The following ADCY5 variants were observed in gnomAD, a reference collection of about 807,000 sequenced individuals.
ADCY5 encodes the protein adenylate cyclase 5.
ADCY5 carries 30 observed loss-of-function variants against 119.7 expected under a neutral mutation model. That is an observed-to-expected ratio of 0.25 (90% CI 0.19 to 0.34). The LOEUF is 0.34. Among genes scored for constraint, ADCY5 ranks in the 10% least tolerant of loss-of-function variants. The pLI, the probability that ADCY5 is intolerant of heterozygous loss-of-function variation, is 1.00. For missense variants in ADCY5, 1,324 were observed against 1,775.2 expected (o/e 0.75, Z 4.57); for synonymous variants, 753 against 762.2 (o/e 0.99, Z 0.20).
At chr3:123,376,191 T>C (rs968024089) in intron 1 of ADCY5, among the ~76,000 whole-genome samples, 1 of 151,614 alleles carries the variant, frequency 6.6e-6, no homozygotes, top group African/African-American at 2.4e-5. Context: ...GCCAAGAGTG[T>C]AGCTGAGATG....
chr3:123,410,047 G>A (rs1945002811), intron 1 of ADCY5, among the ~76,000 whole-genome samples: 1 of 152,166 alleles, frequency 6.6e-6, no homozygotes. Context: ...GTTCCCTGAG[G>A]CAGTGTGGCC....
chr3:123,308,692 G>C (rs1350745782), intron 12 of ADCY5, among the ~76,000 whole-genome samples: 1 of 152,114 alleles, frequency 6.6e-6, no homozygotes, highest in Non-Finnish European at 1.5e-5. Flanking sequence ...AGCCGGGCTT[G>C]GTGGCAGGCA....
At chr3:123,364,388 G>T (rs1156359334) in intron 1 of ADCY5, among the ~76,000 whole-genome samples, 2 of 152,226 alleles carry the variant, frequency 1.3e-5, no homozygotes, top group African/African-American at 4.8e-5. Flanking sequence ...AAGGAATCAT[G>T]TCTGGGCAGT....
chr3:123,406,747 G>A (rs1944913420), intron 1 of ADCY5, among the ~76,000 whole-genome samples: 1 of 152,094 alleles, frequency 6.6e-6, no homozygotes, highest in Non-Finnish European at 1.5e-5. Context: ...GGCCGACCGG[G>A]GTTGAGCAAG....
At chr3:123,442,373 G>A (rs1353592378) in intron 1 of ADCY5, among the ~76,000 whole-genome samples, 1 of 152,246 alleles carries the variant, frequency 6.6e-6, no homozygotes, top group Non-Finnish European at 1.5e-5. Flanking sequence ...TTCCATTCAT[G>A]CCTCATGCGG....
At chr3:123,434,533 T>A (rs1184358351) in intron 1 of ADCY5, among the ~76,000 whole-genome samples, 1 of 152,056 alleles carries the variant, frequency 6.6e-6, no homozygotes, top group Non-Finnish European at 1.5e-5. Context: ...CTCGTCAGAG[T>A]TGCCATGAGA....
chr3:123,405,640 T>G (rs1438052858), intron 1 of ADCY5, among the ~76,000 whole-genome samples: 1 of 152,204 alleles, frequency 6.6e-6, no homozygotes, highest in East Asian at 1.9e-4. Context: ...TTTTATTTTA[T>G]TTTATTTATT....
At position 123,447,628 on chromosome 3, in the gene ADCY5, G is replaced by C; in HGVS notation, c.918C>G (p.Ile306Met). The change falls in exon 1 of 21, where the codon ATC becomes ATG. Residue 306 changes from isoleucine to methionine, a missense_variant. Physicochemically the swap from Ile to Met is conservative, Grantham distance 10. Around this residue, in one of 6 missense-constraint regions of ADCY5, gnomAD observed 585 missense variants for 569.9 expected, o/e 1.03. Transcript: ENST00000462833. Reference protein sequence around the residue: ...DHMGLACYALIAVVLAVQVVG... With the variant: ...DHMGLACYALMAVVLAVQVVG... Reference sequence around the variant, plus strand: ...CCACCTGGACGGCCAGCACCACGGCGATGAGCGCATAGCAGGCCAGGCCCA... The same window carrying C: ...CCACCTGGACGGCCAGCACCACGGCCATGAGCGCATAGCAGGCCAGGCCCA... 3 of 1,608,202 alleles carry C rather than the reference G, an allele frequency of 1.9e-6. No homozygotes were observed. The highest frequency in any genetic ancestry group is 2.5e-6 in the Non-Finnish European group (3 of 1,178,418).
chr3:123,326,625 A>G (rs545673195), intron 7 of ADCY5, among the ~76,000 whole-genome samples: 6 of 152,104 alleles, frequency 3.9e-5, no homozygotes, highest in Non-Finnish European at 8.8e-5. Flanking sequence ...GGAACTGGCC[A>G]ACGCTTACAA....
At chr3:123,395,998 G>GAAAGAAAGAGAAAT (rs1944535658) in intron 1 of ADCY5, among the ~76,000 whole-genome samples, 1 of 134,488 alleles carries the variant, frequency 7.4e-6, no homozygotes, top group East Asian at 2.3e-4. Flanking sequence ...GAAACAGAAA[G>GAAAGAAAGAGAAAT]AAAGAAAGAG....
At chr3:123,309,795 A>G (rs1465987456) in intron 12 of ADCY5, among the ~76,000 whole-genome samples, 1 of 152,068 alleles carries the variant, frequency 6.6e-6, no homozygotes, top group East Asian at 1.9e-4. Flanking sequence ...GGAATCCTAA[A>G]ATCTTCACAG....
Position 123,283,998 on chromosome 3 carries a change from T to G in ADCY5, c.*610A>C, listed in dbSNP as rs2108143576. The G allele has an allele frequency of 6.6e-6, 1 of 152,418 alleles. No individual in the cohort carries two copies. Among genetic ancestry groups the G allele is most frequent in the South Asian group, 2.1e-4 (1 of 4,828 alleles). 9.4% of individuals were successfully genotyped at this position (152,418 alleles called of 1,614,324 possible). A position where few individuals can be genotyped will look rare whatever the true frequency, so the allele number is the denominator to read the frequency against. ...CAGAATCACCACTCCTTGCTTGGCG[T>G]CCTCTTGCCTCCCCCTCGTAATTAG... is the stretch of plus-strand genomic sequence containing the variant. On this transcript the variant is annotated 3_prime_UTR_variant, in exon 21 of 21. Transcript: ENST00000462833.
At chr3:123,341,967 A>G (rs938199934) in intron 3 of ADCY5, among the ~76,000 whole-genome samples, 1 of 152,030 alleles carries the variant, frequency 6.6e-6, no homozygotes, top group African/African-American at 2.4e-5. Flanking sequence ...TCTGTTGCCC[A>G]GGCTGGAGTA....
chr3:123,287,218 G>A (rs1439033346), intron 19 of ADCY5: 1 of 158,378 alleles, frequency 6.3e-6, no homozygotes, highest in African/African-American at 2.4e-5. Context: ...TCATCGCCCT[G>A]TGCCAGTCTC....
chr3:123,406,897 C>T (rs1468549005), intron 1 of ADCY5, among the ~76,000 whole-genome samples: 1 of 152,210 alleles, frequency 6.6e-6, no homozygotes, highest in Non-Finnish European at 1.5e-5. Flanking sequence ...CACACCCACC[C>T]TGCAGGCCAA....
chr3:123,302,122 G>A (rs2108259393), intron 14 of ADCY5, among the ~76,000 whole-genome samples: 1 of 152,336 alleles, frequency 6.6e-6, no homozygotes, highest in South Asian at 2.1e-4. Context: ...CTTCTCCCCA[G>A]AAAAAGGCAA....
chr3:123,314,367 A>G (rs1393083909), intron 11 of ADCY5, 45 bp from the exon 12 acceptor site: 1 of 1,502,688 alleles, frequency 6.7e-7, no homozygotes, highest in Non-Finnish European at 9.2e-7. Context: ...CTCAGGTGGC[A>G]GGGCTGCAGC....
chr3:123,443,780 C>T (rs1446881484), intron 1 of ADCY5, among the ~76,000 whole-genome samples: 1 of 152,302 alleles, frequency 6.6e-6, no homozygotes, highest in African/African-American at 2.4e-5. Flanking sequence ...GGGACCCATG[C>T]GGGGTCAGAA....
chr3:123,357,335 TGAG>T (rs1392669877), intron 1 of ADCY5, among the ~76,000 whole-genome samples: 2 of 151,996 alleles, frequency 1.3e-5, no homozygotes, highest in African/African-American at 4.8e-5. Context: ...TCCCTCTTTC[TGAG>T]GCCAGAAAGA....
Sources: gnomAD v4.1 joint callset for allele counts (sites outside exome capture counted in the v4.1 genomes callset) on GRCh38, gnomAD v4.1.1 for gene constraint, gnomAD v4.1.1 regional missense constraint, MANE v1.5 for transcripts, NCBI Gene and HGNC (gene_info 2026-07-23, HGNC 2026-07-21) for gene names.